The following GPATCH1 variants were observed in gnomAD, a reference collection of about 807,000 sequenced individuals.
GPATCH1 encodes G-patch domain containing 1.
GPATCH1 carries 73 observed loss-of-function variants against 114.9 expected under a neutral mutation model. That is an observed-to-expected ratio of 0.64 (90% CI 0.53 to 0.77). The LOEUF is 0.77. Among genes scored for constraint, GPATCH1 ranks in the 30% least tolerant of loss-of-function variants. GPATCH1 has a pLI of 0.00. For synonymous variants in GPATCH1, 391 were observed against 428.4 expected, an observed-to-expected ratio of 0.91 and a Z score of 1.08; for missense variants, 1,058 against 1,144.3, an observed-to-expected ratio of 0.92 and a Z score of 1.09.
At chr19:33,085,855 G>T (rs1234580605) in intron 1 of GPATCH1, among the ~76,000 whole-genome samples, 1 of 152,112 alleles carries the variant, frequency 6.6e-6, no homozygotes, top group Non-Finnish European at 1.5e-5. Context: ...GAGACCTGTG[G>T]GAGCTAGTTG....
At position 33,101,561 on chromosome 19, in the gene GPATCH1, T is replaced by C. The variant is rs754712886; in HGVS notation, c.1067T>C (p.Leu356Ser). 26 of 1,580,226 alleles carry C rather than the reference T, an allele frequency of 1.6e-5. No homozygotes were observed. The highest frequency in any genetic ancestry group is 2.3e-5 in the Non-Finnish European group (26 of 1,151,164). ...LDGFSLASKPLSSKKIYPPPE... is the reference protein window; with the variant it reads ...LDGFSLASKPSSSKKIYPPPE... Reference sequence around the variant, plus strand: ...GGATTTTCCTTGGCTTCTAAACCTTTATCTTCTAAGAAAGTAAGAAAAACT... The same window carrying C: ...GGATTTTCCTTGGCTTCTAAACCTTCATCTTCTAAGAAAGTAAGAAAAACT... Residue 356 changes from leucine to serine, a missense_variant, in exon 9 of 20, where the codon TTA (leucine) becomes TCA (serine). Leu to Ser is a moderately radical substitution (Grantham distance 145). This residue lies in a region of GPATCH1 where 893 missense variants were observed against 977.4 expected (regional missense o/e 0.91). Coordinates refer to ENST00000170564, the MANE Select transcript of GPATCH1 (RefSeq NM_018025.3).
chr19:33,100,660 T>G (rs1245348064), intron 8 of GPATCH1, among the ~76,000 whole-genome samples: 6 of 143,840 alleles, frequency 4.2e-5, no homozygotes, highest in South Asian at 2.2e-4. Flanking sequence ...AGGGGAGAGA[T>G]GTGGTGGTGC....
chr19:33,085,987 C>A (rs1972530740), intron 1 of GPATCH1, among the ~76,000 whole-genome samples: 1 of 152,174 alleles, frequency 6.6e-6, no homozygotes, highest in Admixed American at 6.5e-5. Flanking sequence ...GCACCTGTTC[C>A]CTCTTACCGT....
intron 17 of GPATCH1, among the ~76,000 whole-genome samples, chr19:33,120,315 TA>T (rs200876032): frequency 0.23 from 31,289 of 134,446 alleles, 5,001 homozygotes; most frequent in African/African-American, 0.47. Context: ...ATTTTATACA[TA>T]AAAATGATAT....
intron 17 of GPATCH1, among the ~76,000 whole-genome samples, chr19:33,119,406 G>A (rs1186147636): frequency 6.6e-6 from 1 of 152,054 alleles, no homozygotes; most frequent in East Asian, 1.9e-4. Context: ...AGAGCTTAAA[G>A]AAAAAGAGCC....
At chr19:33,113,993 A>G in intron 14 of GPATCH1, 90 bp downstream of exon 14, 1 of 1,181,706 alleles carries the variant, frequency 8.5e-7, no homozygotes, top group South Asian at 1.4e-5. Flanking sequence ...TTTAGTCCTA[A>G]CAATGTGAAT....
chr19:33,114,399 C>A lies in GPATCH1; in HGVS notation c.2176C>A (p.Pro726Thr). Residue 726 changes from proline (P) to threonine (T), a missense_variant, in exon 15 of 20, where the codon CCA (proline) becomes ACA (threonine). This residue lies in a region of GPATCH1 where 893 missense variants were observed against 977.4 expected (regional missense o/e 0.91). Coordinates refer to ENST00000170564, the MANE Select transcript of GPATCH1 (RefSeq NM_018025.3). ...PLVNKEEEHAPELSANQTVNK... is the reference protein window; with the variant it reads ...PLVNKEEEHATELSANQTVNK... ...AGTAAACAAAGAGGAAGAGCATGCA[C>A]CAGAATTATCCGCAAATCAGGTATT... The A allele has an allele frequency of 6.2e-7, 1 of 1,601,494 alleles. No individual in the cohort carries two copies. The highest frequency in any genetic ancestry group is 1.1e-5 in the South Asian group (1 of 89,294).
intron 10 of GPATCH1, among the ~76,000 whole-genome samples, chr19:33,108,296 A>G (rs1599860118): frequency 6.7e-6 from 1 of 150,170 alleles, no homozygotes; most frequent in Non-Finnish European, 1.5e-5. Context: ...ACCTACAGAA[A>G]CCTCCAGGCT....
Position 33,097,886 on chromosome 19 carries a change from G to A in GPATCH1, c.984G>A (p.Gln328=). Residue 328 remains glutamine (Q), a synonymous_variant, in exon 8 of 20, where the codon CAG becomes CAA. Transcript: ENST00000170564. ...DGLYGWTAPR[Q]YKNQKESEKD... is the part of the protein sequence containing the mutation. ...TCTATGGCTGGACAGCACCCAGGCAGTATAAAAACCAGAAAGGTAATTCGA... is the reference window on the plus strand; with the variant it reads ...TCTATGGCTGGACAGCACCCAGGCAATATAAAAACCAGAAAGGTAATTCGA... The A allele has an allele frequency of 9.3e-6, 15 of 1,613,918 alleles. No homozygotes were observed. The highest frequency in any genetic ancestry group is 1.7e-4 in the Middle Eastern group (1 of 6,058).
In GPATCH1 at chr19:33,090,875, C is replaced by T; in HGVS notation, c.294+10C>T. On this transcript the variant is annotated intron_variant, in intron 3 of 19. Coordinates refer to ENST00000170564, the MANE Select transcript of GPATCH1 (RefSeq NM_018025.3). ...TTTTATGGATGAAGAGGTGCGTGTG[C>T]AAAACTTTAATTGCCAATTAGCTGG... 2 of 1,585,106 alleles carry T rather than the reference C, an allele frequency of 1.3e-6. No individual in the cohort carries two copies. The highest frequency in any genetic ancestry group is 1.7e-6 in the Non-Finnish European group (2 of 1,154,176).
rs1370722820 is a variant in GPATCH1 at position 33,106,799 on chromosome 19, A to C, written c.1185A>C (p.Ser395=). 1 of 1,613,932 alleles carries C rather than the reference A, an allele frequency of 6.2e-7. No homozygotes were observed. Among genetic ancestry groups the C allele is most frequent in the African/African-American group, 1.3e-5 (1 of 74,880 alleles). The part of the protein sequence containing the change: ...SENSHLLQVL[S]ESAGKATPDP... ...ACTCACACTTACTGCAGGTATTATC[A>C]GAGTCAGCTGGAAAGGCAACGCCTG... is the stretch of plus-strand genomic sequence containing the variant. Residue 395 remains serine, a synonymous_variant, in exon 10 of 20, where the codon TCA becomes TCC. Transcript: ENST00000170564.
In GPATCH1 at chr19:33,095,886, TTTGG is replaced by T. The variant is rs573448915; in HGVS notation, c.612+71_612+74del. ...CACCTGTTTCTGTATGACTGTGAAA[TTTGG>T]TTGGAGACAATTTTAGAAATCAGAT... is the stretch of plus-strand genomic sequence containing the variant. On this transcript the variant is annotated intron_variant, in intron 6 of 19. Coordinates refer to ENST00000170564, the MANE Select transcript of GPATCH1 (RefSeq NM_018025.3). 1.3e-4 allele frequency: 158 copies of T among 1,183,908 alleles called. 1 individual carries two copies. In the South Asian group the frequency reaches 1.9e-3, roughly 14 times the overall value. 73.3% of individuals were successfully genotyped at this position (1,183,908 alleles called of 1,614,324 possible). A position where few individuals can be genotyped will look rare whatever the true frequency, so the allele number is the denominator to read the frequency against.
chr19:33,127,241 AGGCGCGGT>A (rs535072102), intron 19 of GPATCH1, among the ~76,000 whole-genome samples: 41 of 151,464 alleles, frequency 2.7e-4, no homozygotes, highest in African/African-American at 8.7e-4. Flanking sequence ...AATTCAGGCC[AGGCGCGGT>A]GGCTCATGCC....
chr19:33,092,232 G>A (rs1157024415), intron 3 of GPATCH1, among the ~76,000 whole-genome samples: 1 of 151,818 alleles, frequency 6.6e-6, no homozygotes. Flanking sequence ...TGTATTTTTA[G>A]TAGAGACGGG....
chr19:33,092,917 G>A (rs1372061826), intron 3 of GPATCH1, among the ~76,000 whole-genome samples: 1 of 152,174 alleles, frequency 6.6e-6, no homozygotes, highest in East Asian at 1.9e-4. Context: ...GGCGGGGCAC[G>A]GTGGCTCATG....
chr19:33,097,319 G>A (rs906964714), intron 7 of GPATCH1, among the ~76,000 whole-genome samples: 2 of 152,050 alleles, frequency 1.3e-5, no homozygotes, highest in Admixed American at 6.6e-5. Context: ...GCTCCTTTCC[G>A]CAGAGAGTAG....
At chr19:33,094,393 CT>C in intron 5 of GPATCH1, 124 bp downstream of exon 5, 1 of 611,630 alleles carries the variant, frequency 1.6e-6, no homozygotes, top group Non-Finnish European at 2.9e-6. Context: ...ATACTGCAGC[CT>C]TGACCTCCCG....
chr19:33,093,805 C>T (rs1972624729), intron 4 of GPATCH1, among the ~76,000 whole-genome samples: 1 of 152,230 alleles, frequency 6.6e-6, no homozygotes, highest in Admixed American at 6.5e-5. Flanking sequence ...TCGCCTCTGT[C>T]TGCCTCCTTC....
intron 2 of GPATCH1, among the ~76,000 whole-genome samples, chr19:33,089,774 CCA>C (rs143120210): frequency 0.032 from 4,838 of 151,984 alleles, 252 homozygotes; most frequent in African/African-American, 0.11. Flanking sequence ...GTGCCCGCCA[CCA>C]CACCCGGCTG....
Sources: gnomAD v4.1 joint callset for allele counts (sites outside exome capture counted in the v4.1 genomes callset) on GRCh38, gnomAD v4.1.1 for gene constraint, gnomAD v4.1.1 regional missense constraint, MANE v1.5 for transcripts, NCBI Gene and HGNC (gene_info 2026-07-23, HGNC 2026-07-21) for gene names.